Variants in ARNT2 observed in about 807,000 individuals in gnomAD.
The protein encoded by ARNT2 is ARNT protein 2.
In ARNT2, 36 loss-of-function variants were observed where a neutral mutation model predicts 91.7. The observed-to-expected ratio is 0.39, with a 90% CI of 0.30 to 0.52. The LOEUF is 0.52. Among genes scored for constraint, ARNT2 ranks in the 20% least tolerant of loss-of-function variants. The pLI, the probability that ARNT2 is intolerant of heterozygous loss-of-function variation, is 0.72. For synonymous variants in ARNT2, 365 were observed against 347.1 expected (o/e 1.05, Z -0.57); for missense variants, 775 against 939.3 (o/e 0.83, Z 2.29).
chr15:80,535,709 G>A (rs1897811218), intron 8 of ARNT2, among the ~76,000 whole-genome samples: 2 of 147,064 alleles, frequency 1.4e-5, no homozygotes, highest in African/African-American at 5.1e-5. Context: ...TTTTGCTTAT[G>A]TTGTTTTGCA....
At chr15:80,455,096 G>A (rs1896462006) in intron 2 of ARNT2, among the ~76,000 whole-genome samples, 1 of 152,038 alleles carries the variant, frequency 6.6e-6, no homozygotes, top group African/African-American at 2.4e-5. Flanking sequence ...AAAGAAATAG[G>A]CACAGCTTAT....
chr15:80,514,488 A>G, intron 8 of ARNT2, 83 bp downstream of exon 8: 1 of 1,174,360 alleles, frequency 8.5e-7, no homozygotes, highest in African/African-American at 1.5e-5. Context: ...AAGTATTCTC[A>G]TAGGAATAGG....
intron 5 of ARNT2, chr15:80,487,650 C>T (rs1189684956): frequency 6.6e-6 from 1 of 152,296 alleles, no homozygotes; most frequent in Non-Finnish European, 1.5e-5. Flanking sequence ...TTTCCAGAAG[C>T]TTCCTTTATA....
At chr15:80,507,195 G>A (rs369907397) in intron 5 of ARNT2, among the ~76,000 whole-genome samples, 93 of 152,334 alleles carry the variant, frequency 6.1e-4, no homozygotes, top group African/African-American at 2.2e-3. Context: ...GTAGACAGTA[G>A]GGAGGGGAGA....
chr15:80,532,887 G>A (rs1229645395), intron 8 of ARNT2, among the ~76,000 whole-genome samples: 1 of 152,248 alleles, frequency 6.6e-6, no homozygotes, highest in Non-Finnish European at 1.5e-5. Context: ...ATATGGTCAA[G>A]TCTGTGCTTT....
chr15:80,508,292 G>A, intron 6 of ARNT2, 34 bp downstream of exon 6: 1 of 1,608,330 alleles, frequency 6.2e-7, no homozygotes, highest in Non-Finnish European at 8.5e-7. Flanking sequence ...CCATCAGGTG[G>A]TTGGTTTGCT....
At chr15:80,546,052 T>C (rs1897984646) in intron 8 of ARNT2, among the ~76,000 whole-genome samples, 1 of 152,230 alleles carries the variant, frequency 6.6e-6, no homozygotes, top group African/African-American at 2.4e-5. Flanking sequence ...TTACTGCTGG[T>C]AGTGCTGCTT....
chr15:80,435,559 A>T (rs1896073739), intron 1 of ARNT2, among the ~76,000 whole-genome samples: 1 of 151,792 alleles, frequency 6.6e-6, no homozygotes, highest in African/African-American at 2.4e-5. Flanking sequence ...TCCCATGCAC[A>T]TTGCTGACCC....
chr15:80,438,299 G>T (rs537061760), intron 1 of ARNT2, among the ~76,000 whole-genome samples: 25 of 152,170 alleles, frequency 1.6e-4, no homozygotes, highest in Admixed American at 1.5e-3. Flanking sequence ...AATGAACTAC[G>T]TTGGTTTTGT....
At chr15:80,592,607 T>C (rs1893300322) in intron 18 of ARNT2, among the ~76,000 whole-genome samples, 1 of 152,232 alleles carries the variant, frequency 6.6e-6, no homozygotes, top group Non-Finnish European at 1.5e-5. Context: ...GTCAGCTGTG[T>C]CTTCACAGAC....
At chr15:80,535,911 G>A (rs1304923393) in intron 8 of ARNT2, among the ~76,000 whole-genome samples, 1 of 152,094 alleles carries the variant, frequency 6.6e-6, no homozygotes, top group Non-Finnish European at 1.5e-5. Context: ...TTTGTTGTTT[G>A]TTTTTCAGTT....
chr15:80,575,170 A>T, intron 14 of ARNT2, 60 bp downstream of exon 14: 1 of 1,593,782 alleles, frequency 6.3e-7, no homozygotes, highest in Non-Finnish European at 8.6e-7. Flanking sequence ...CTTTCAGGCC[A>T]TCTACAGACA....
At chr15:80,486,236 C>T (rs1207486595) in intron 5 of ARNT2, among the ~76,000 whole-genome samples, 2 of 152,182 alleles carry the variant, frequency 1.3e-5, no homozygotes, top group African/African-American at 4.8e-5. Context: ...GGTATGACCT[C>T]ATTTTAACTT....
At position 80,596,323 on chromosome 15, in the gene ARNT2, G is replaced by C. The variant is rs145725744; in HGVS notation, c.*2625G>C. On this transcript the variant is annotated 3_prime_UTR_variant, in exon 19 of 19. Transcript: ENST00000303329. ...CCAGCTCTGTCCTAGGAGCATAGGC[G>C]GGAAATCTGAGTAGAGTCTGACTGC... is the stretch of plus-strand genomic sequence containing the variant. 1 of 152,180 alleles carries C rather than the reference G, an allele frequency of 6.6e-6. No individual in the cohort carries two copies. Among genetic ancestry groups the C allele is most frequent in the African/African-American group, 2.4e-5 (1 of 41,432 alleles). The allele number at this position is 152,180 out of a possible 1,614,324, so 9.4% of individuals were successfully genotyped here. A position where few individuals can be genotyped will look rare whatever the true frequency, so the allele number is the denominator to read the frequency against.
At chr15:80,572,266 C>T (rs1411283645) in intron 12 of ARNT2, among the ~76,000 whole-genome samples, 2 of 152,088 alleles carry the variant, frequency 1.3e-5, no homozygotes, top group East Asian at 3.8e-4. Flanking sequence ...GGTGGCCACA[C>T]ACCACCTTCT....
At chr15:80,443,768 CA>C (rs1361589359) in intron 1 of ARNT2, among the ~76,000 whole-genome samples, 1 of 152,176 alleles carries the variant, frequency 6.6e-6, no homozygotes, top group East Asian at 1.9e-4. Flanking sequence ...CATAGAAGGT[CA>C]GGGGCAGAAG....
chr15:80,495,600 GA>G (rs1735550908), intron 5 of ARNT2, among the ~76,000 whole-genome samples: 1 of 152,228 alleles, frequency 6.6e-6, no homozygotes, highest in African/African-American at 2.4e-5. Context: ...GGGTTTGTCA[GA>G]AGCATGTTTC....
chr15:80,410,430 G>C (rs1195070792), intron 1 of ARNT2, among the ~76,000 whole-genome samples: 1 of 152,170 alleles, frequency 6.6e-6, no homozygotes, highest in South Asian at 2.1e-4. Context: ...TGTGCTCCAG[G>C]CTTCAGTATT....
At chr15:80,527,759 T>C (rs1178530726) in intron 8 of ARNT2, among the ~76,000 whole-genome samples, 2 of 152,230 alleles carry the variant, frequency 1.3e-5, no homozygotes, top group East Asian at 3.8e-4. Context: ...GTTGCAAAAC[T>C]AGGCTTTTTG....
Sources: allele counts gnomAD v4.1 joint callset (sites outside exome capture counted in the v4.1 genomes callset), GRCh38; gene constraint gnomAD v4.1.1; transcripts MANE v1.5; gene names NCBI Gene and HGNC (gene_info 2026-07-23, HGNC 2026-07-21).